The following DNAJB2 variants were observed in gnomAD, a reference collection of about 807,000 sequenced individuals.
The protein encoded by DNAJB2 is DnaJ heat shock protein family (Hsp40) member B2, also known as dnaJ homolog subfamily B member 2.
Under a neutral mutation model 33.3 loss-of-function variants are expected in DNAJB2, and 19 were observed. The ratio of observed to expected loss-of-function variants is 0.57; its 90% confidence interval spans 0.40 to 0.84. DNAJB2 has a LOEUF of 0.84. Ranked by LOEUF, DNAJB2 falls within the 40% of genes least tolerant of loss-of-function variation. The pLI is 0.00. For synonymous variants in DNAJB2, 172 were observed against 164.6 expected, an observed-to-expected ratio of 1.04 and a Z score of -0.34; for missense variants, 368 against 430.9, an observed-to-expected ratio of 0.85 and a Z score of 1.29.
In DNAJB2 at chr2:219,285,832, G is replaced by A; in HGVS notation, c.*845G>A. ...TAGGACCGGGGGACCCCAGAGGGAG[G>A]CCTAGGAGGGGACTGCACCCATACT... On this transcript the variant is annotated 3_prime_UTR_variant, in exon 9 of 9. Coordinates refer to ENST00000336576, the MANE Select transcript of DNAJB2 (RefSeq NM_006736.6). 2 of 1,429,136 alleles carry A rather than the reference G, an allele frequency of 1.4e-6. No individual in the cohort carries two copies. Among genetic ancestry groups the A allele is most frequent in the Non-Finnish European group, 1.8e-6 (2 of 1,087,646 alleles). The allele number at this position is 1,429,136 out of a possible 1,614,324, so 88.5% of individuals were successfully genotyped here. A position where few individuals can be genotyped will look rare whatever the true frequency, so the allele number is the denominator to read the frequency against.
rs1951949626 is a variant in DNAJB2 at position 219,285,733 on chromosome 2, C to T, written c.*746C>T. On this transcript the variant is annotated 3_prime_UTR_variant, in exon 9 of 9. Transcript: ENST00000336576. ...CAGAACTGGAGCCCACTCCTCCTCC[C>T]TCTCGTTGCCTCAGCCTGCCCTCAC... The T allele has an allele frequency of 1.6e-6, 2 of 1,266,102 alleles. No individual in the cohort carries two copies. Among genetic ancestry groups the T allele is most frequent in the Non-Finnish European group, 2.0e-6 (2 of 1,001,134 alleles). The allele number at this position is 1,266,102 out of a possible 1,614,324, so 78.4% of individuals were successfully genotyped here.
Position 219,286,061 on chromosome 2 carries a change from T to G in DNAJB2, c.*1074T>G. The G allele has an allele frequency of 8.0e-7, 1 of 1,254,210 alleles. No homozygotes were observed. Among genetic ancestry groups the G allele is most frequent in the Non-Finnish European group, 1.0e-6 (1 of 971,846 alleles). The allele number at this position is 1,254,210 out of a possible 1,614,324, so 77.7% of individuals were successfully genotyped here. On this transcript the variant is annotated 3_prime_UTR_variant, in exon 9 of 9. Coordinates refer to ENST00000336576, the MANE Select transcript of DNAJB2 (RefSeq NM_006736.6). ...CAGGACAGCGCCTTCCCCCATGCGC[T>G]GGGAGGGGACCCTCCATTTCTCCCC...
chr2:219,283,052 G>A, intron 6 of DNAJB2, 81 bp from the exon 7 acceptor site: 5 of 1,588,358 alleles, frequency 3.1e-6, no homozygotes, highest in Non-Finnish European at 4.3e-6. Flanking sequence ...CTGCGAGGCG[G>A]CCTGGAGCCT....
chr2:219,286,015 A>G lies in DNAJB2; in HGVS notation c.*1028A>G. 2 of 1,612,690 alleles carry G rather than the reference A, an allele frequency of 1.2e-6. No homozygotes were observed. Among genetic ancestry groups the G allele is most frequent in the East Asian group, 2.2e-5 (1 of 44,880 alleles). On this transcript the variant is annotated 3_prime_UTR_variant, in exon 9 of 9. Coordinates refer to ENST00000336576, the MANE Select transcript of DNAJB2 (RefSeq NM_006736.6). The stretch of plus-strand genomic sequence containing the variant: ...TGTTCTGAGCTGGATGCCGGGTTCC[A>G]GAATCGCTGCACAGTTCCAACAGGA...
Position 219,282,844 on chromosome 2 carries a change from G to A in DNAJB2, c.360G>A (p.Leu120=), listed in dbSNP as rs748939785. 52 of 1,586,056 alleles carry A rather than the reference G, an allele frequency of 3.3e-5. No individual in the cohort carries two copies. Among genetic ancestry groups the A allele is most frequent in the Non-Finnish European group, 4.3e-5 (50 of 1,170,276 alleles). ...GDPFAELFDD[L]GPFSELQNRG... is the part of the protein sequence containing the mutation. ...TCTGTTTACTTGTTGCAGATGACCT[G>A]GGCCCCTTCTCAGAGCTTCAGAACC... is the stretch of plus-strand genomic sequence containing the variant. The change falls in exon 6 of 9, where the codon CTG becomes CTA. Residue 120 remains leucine (L), a synonymous_variant. Coordinates refer to ENST00000336576, the MANE Select transcript of DNAJB2 (RefSeq NM_006736.6).
In DNAJB2 at chr2:219,286,394, A is replaced by T. The variant is rs1559288286; in HGVS notation, c.*1407A>T. The T allele has an allele frequency of 5.1e-6, 1 of 195,996 alleles. No homozygotes were observed. Among genetic ancestry groups the T allele is most frequent in the Non-Finnish European group, 1.1e-5 (1 of 93,280 alleles). 12.1% of individuals were successfully genotyped at this position (195,996 alleles called of 1,614,324 possible). On this transcript the variant is annotated 3_prime_UTR_variant, in exon 9 of 9. Transcript: ENST00000336576. ...GTAGGGCTGGCAGGGTTGTAGATGA[A>T]GGGGGAATGATCTGAGCCTTGGTTC...
At position 219,285,385 on chromosome 2, in the gene DNAJB2, C is replaced by G. The variant is rs776505815; in HGVS notation, c.*398C>G. 8 of 1,012,732 alleles carry G rather than the reference C, an allele frequency of 7.9e-6. No individual in the cohort carries two copies. Among genetic ancestry groups the G allele is most frequent in the Non-Finnish European group, 9.4e-6 (8 of 847,768 alleles). The allele number at this position is 1,012,732 out of a possible 1,614,324, so 62.7% of individuals were successfully genotyped here. A position where few individuals can be genotyped will look rare whatever the true frequency, so the allele number is the denominator to read the frequency against. ...TTGTCTGAGCCGGAGCCGGCAGCTC[C>G]ACTGGAGAGCAGTGCAGGCAGAGTG... is the stretch of plus-strand genomic sequence containing the variant. On this transcript the variant is annotated 3_prime_UTR_variant, in exon 9 of 9. Transcript: ENST00000336576.
rs1951914507 is a variant in DNAJB2, at chr2:219,282,465, C to A, written c.353-372C>A. The A allele has an allele frequency of 8.7e-6, 3 of 345,546 alleles. No individual in the cohort carries two copies. The South Asian group carries it at 1.2e-4, about 14-fold the overall frequency. 21.4% of individuals were successfully genotyped at this position (345,546 alleles called of 1,614,324 possible). On this transcript the variant is annotated intron_variant, in intron 5 of 8. Transcript: ENST00000336576. ...TGAATCCTGACAGGTGGGCAATTTTCTCCCCATTTGCAGATGAGAAAACTG... is the reference window on the plus strand; with the variant it reads ...TGAATCCTGACAGGTGGGCAATTTTATCCCCATTTGCAGATGAGAAAACTG...
chr2:219,284,054 AT>A (rs1426892734), intron 8 of DNAJB2, among the ~76,000 whole-genome samples: 1 of 152,188 alleles, frequency 6.6e-6, no homozygotes, highest in African/African-American at 2.4e-5. Flanking sequence ...ATATTTAATC[AT>A]TGGAACAATT....
rs375674959 is a variant in DNAJB2, at chr2:219,279,924, G to A, written c.65+26G>A. On this transcript the variant is annotated intron_variant, in intron 2 of 8. Coordinates refer to ENST00000336576, the MANE Select transcript of DNAJB2 (RefSeq NM_006736.6). The surrounding 1 kb of genome is among the most constrained non-coding windows in gnomAD (Gnocchi z 4.9). Reference sequence around the variant, plus strand: ...GTAAGTGCCTCCGTATGCAACAGAAGACCTCTCACCCTCCACCCGCCACCA... The same window carrying A: ...GTAAGTGCCTCCGTATGCAACAGAAAACCTCTCACCCTCCACCCGCCACCA... The A allele has an allele frequency of 2.5e-6, 4 of 1,613,178 alleles. No homozygotes were observed. Among genetic ancestry groups the A allele is most frequent in the Non-Finnish European group, 2.5e-6 (3 of 1,179,758 alleles).
At chr2:219,282,221 T>C (rs1415841343) in intron 5 of DNAJB2, 160 bp downstream of exon 5, 1 of 1,118,478 alleles carries the variant, frequency 8.9e-7, no homozygotes, top group African/African-American at 1.5e-5. Flanking sequence ...GGACAGAACC[T>C]CACGTGTGCC....
Position 219,282,841 on chromosome 2 carries a change from C to T in DNAJB2, c.357C>T (p.Asp119=). ...TAATCTGTTTACTTGTTGCAGATGA[C>T]CTGGGCCCCTTCTCAGAGCTTCAGA... ...SGDPFAELFD[D]LGPFSELQNR... is the part of the protein sequence containing the mutation. Residue 119 remains aspartate (D), a synonymous_variant, in exon 6 of 9, where the codon GAC becomes GAT. Transcript: ENST00000336576. 1 of 1,583,230 alleles carries T rather than the reference C, an allele frequency of 6.3e-7. No individual in the cohort carries two copies. Among genetic ancestry groups the T allele is most frequent in the Non-Finnish European group, 8.6e-7 (1 of 1,168,946 alleles).
chr2:219,281,949 A>G lies in DNAJB2; in HGVS notation c.240A>G (p.Pro80=), dbSNP rs762434804. The G allele has an allele frequency of 3.7e-6, 6 of 1,614,008 alleles. No individual in the cohort carries two copies. The African/African-American group carries it at 5.3e-5, about 14-fold the overall frequency. ...ATCCTGCCTTTCCAGGAACTGGCCCATCTCGGGCAGAAGCTGGCAGTGGTG... is the reference window on the plus strand; with the variant it reads ...ATCCTGCCTTTCCAGGAACTGGCCCGTCTCGGGCAGAAGCTGGCAGTGGTG... ...REGLTGTGTG[P]SRAEAGSGGP... Residue 80 remains proline, a synonymous_variant, in exon 5 of 9, where the codon CCA becomes CCG. Transcript: ENST00000336576.
rs1574900344 is a variant in DNAJB2 at position 219,281,992 on chromosome 2, A to G, written c.283A>G (p.Thr95Ala). 3 of 1,614,048 alleles carry G rather than the reference A, an allele frequency of 1.9e-6. No homozygotes were observed. In the East Asian group the frequency reaches 6.7e-5, roughly 36 times the overall value. The change falls in exon 5 of 9, where the codon ACC (threonine) becomes GCC (alanine). Residue 95 changes from threonine to alanine, a missense_variant. Physicochemically the swap from Thr to Ala is moderately conservative, Grantham distance 58. Coordinates refer to ENST00000336576, the MANE Select transcript of DNAJB2 (RefSeq NM_006736.6). ...AGSGGPGFTFTFRSPEEVFRE... is the reference protein window; with the variant it reads ...AGSGGPGFTFAFRSPEEVFRE... ...CAGTGGTGGGCCTGGCTTCACCTTC[A>G]CCTTCCGCAGCCCCGAGGAGGTCTT...
rs11559157 is a variant in DNAJB2, at chr2:219,281,742, G to A, written c.200G>A (p.Arg67His). 4.3e-6 allele frequency: 7 copies of A among 1,614,032 alleles called. No homozygotes were observed. Among genetic ancestry groups the A allele is most frequent in the Middle Eastern group, 1.6e-4 (1 of 6,062 alleles). The change falls in exon 4 of 9, where the codon CGC becomes CAC. Residue 67 changes from arginine (R) to histidine (H), a missense_variant. Coordinates refer to ENST00000336576, the MANE Select transcript of DNAJB2 (RefSeq NM_006736.6). ...GAGCACAAGCGGGAGATTTACGACC[G>A]CTATGGCCGGGAAGGGCTGACAGGG... ...SDKHKREIYD[R>H]YGREGLTGTG... is the part of the protein sequence containing the mutation.
At chr2:219,282,143 G>A in intron 5 of DNAJB2, 82 bp downstream of exon 5, 2 of 1,611,438 alleles carry the variant, frequency 1.2e-6, no homozygotes, top group South Asian at 1.1e-5. Flanking sequence ...GCCCTGAGGT[G>A]GAAGGCTGAG....
At chr2:219,283,314 A>C in intron 7 of DNAJB2, 79 bp downstream of exon 7, 1 of 1,608,274 alleles carries the variant, frequency 6.2e-7, no homozygotes, top group East Asian at 2.2e-5. Flanking sequence ...TGGCTCCTTG[A>C]GGGCAGGGCC....
chr2:219,283,018 T>A, intron 6 of DNAJB2, 89 bp downstream of exon 6: 1 of 1,575,334 alleles, frequency 6.3e-7, no homozygotes. Flanking sequence ...GTCTCCTGTG[T>A]TGGGAGCCCT....
intron 7 of DNAJB2, 30 bp downstream of exon 7, chr2:219,283,265 G>T: frequency 1.2e-6 from 2 of 1,613,602 alleles, no homozygotes; most frequent in South Asian, 1.1e-5. Flanking sequence ...CCATAGAGGG[G>T]TGAGAGGTCT....
Sources: allele counts gnomAD v4.1 joint callset (sites outside exome capture counted in the v4.1 genomes callset), GRCh38; gene constraint gnomAD v4.1.1; non-coding constraint Gnocchi (gnomAD v3.1); transcripts MANE v1.5; gene names NCBI Gene and HGNC (gene_info 2026-07-23, HGNC 2026-07-21).